DMC1: variants seen among roughly 807,000 people sequenced by gnomAD.
DMC1 encodes the protein DNA meiotic recombinase 1.
A neutral mutation model predicts 50.1 loss-of-function variants in DMC1; 27 were observed. That is an observed-to-expected ratio of 0.54 (90% CI 0.40 to 0.74). DMC1 has a LOEUF of 0.74. DMC1 is among the 30% of genes least tolerant of loss of function. The probability of loss-of-function intolerance (pLI) is 0.00; values close to 1 mark genes in which losing one functional copy is unlikely to be tolerated. For missense variants in DMC1, 295 were observed against 420.2 expected, an observed-to-expected ratio of 0.70 and a Z score of 2.60; for synonymous variants, 148 against 136.1, an observed-to-expected ratio of 1.09 and a Z score of -0.61.
intron 12 of DMC1, among the ~76,000 whole-genome samples, chr22:38,530,396 G>T (rs1051836851): frequency 6.6e-6 from 1 of 152,032 alleles, no homozygotes; most frequent in Non-Finnish European, 1.5e-5. Flanking sequence ...TCTCCCCTCT[G>T]TCTTCTCCCA....
chr22:38,516,370 G>C (rs994171815), downstream of DMC1, among the ~76,000 whole-genome samples: 5 of 152,080 alleles, frequency 3.3e-5, no homozygotes, highest in African/African-American at 7.2e-5. Context: ...CCACTTCTTG[G>C]TAAATTGTCC....
intron 6 of DMC1, among the ~76,000 whole-genome samples, chr22:38,553,825 G>C (rs1465293095): frequency 1.3e-5 from 2 of 151,780 alleles, no homozygotes; most frequent in Non-Finnish European, 2.9e-5. Flanking sequence ...TGGGTGTGGT[G>C]GCGTGCACCT....
intron 8 of DMC1, chr22:38,546,062 C>CT (rs2090340838): frequency 6.6e-6 from 1 of 152,346 alleles, no homozygotes; most frequent in South Asian, 2.1e-4. Context: ...TTGCATATGA[C>CT]TTAGCTCCTA....
chr22:38,509,980 GTAA>G, the DMC1 span, among the ~76,000 whole-genome samples: 14 of 152,044 alleles, frequency 9.2e-5, no homozygotes, highest in African/African-American at 3.4e-4. Context: ...ATATTACGGT[GTAA>G]TAATAATATA....
chr22:38,564,175 A>G (rs910974397), intron 4 of DMC1, among the ~76,000 whole-genome samples: 1 of 152,218 alleles, frequency 6.6e-6, no homozygotes, highest in Non-Finnish European at 1.5e-5. Flanking sequence ...TCTCAAAAAT[A>G]AATGAATAAA....
chr22:38,534,160 CA>C (rs1439571435), intron 12 of DMC1, among the ~76,000 whole-genome samples: 1 of 152,062 alleles, frequency 6.6e-6, no homozygotes, highest in African/African-American at 2.4e-5. Context: ...GAATGCAAAA[CA>C]AAAAAACCCC....
At chr22:38,568,402 A>G in intron 1 of DMC1, 113 bp from the exon 2 acceptor site, 1 of 760,360 alleles carries the variant, frequency 1.3e-6, no homozygotes, top group Non-Finnish European at 2.3e-6. Flanking sequence ...TTAGCTTGGA[A>G]AGATGAGGCC....
intron 5 of DMC1, among the ~76,000 whole-genome samples, chr22:38,561,051 G>A (rs1435666550): frequency 1.3e-5 from 2 of 151,964 alleles, no homozygotes; most frequent in Admixed American, 6.6e-5. Flanking sequence ...AGGCTAGAGT[G>A]CAGTGGCATG....
At chr22:38,540,712 A>G (rs1325691754) in intron 8 of DMC1, among the ~76,000 whole-genome samples, 1 of 152,214 alleles carries the variant, frequency 6.6e-6, no homozygotes, top group African/African-American at 2.4e-5. Context: ...CTTTGGTGAC[A>G]GCCACAAAAA....
At chr22:38,543,049 C>G (rs1416945109) in intron 8 of DMC1, among the ~76,000 whole-genome samples, 2 of 152,016 alleles carry the variant, frequency 1.3e-5, no homozygotes, top group Admixed American at 6.6e-5. Context: ...ATACAAAAAT[C>G]AAATAAAAAT....
intron 5 of DMC1, among the ~76,000 whole-genome samples, chr22:38,561,074 T>G (rs562280572): frequency 6.6e-6 from 1 of 152,186 alleles, no homozygotes; most frequent in East Asian, 1.9e-4. Flanking sequence ...CGCGGCTCAC[T>G]AGAGCCTCAA....
chr22:38,531,492 C>A (rs1025858541), intron 12 of DMC1, among the ~76,000 whole-genome samples: 2 of 152,122 alleles, frequency 1.3e-5, no homozygotes, highest in African/African-American at 4.8e-5. Context: ...CCCAGGGGAA[C>A]TGCAGCTTGG....
At chr22:38,514,434 G>A (rs2089962550), downstream of DMC1, among the ~76,000 whole-genome samples, 1 of 151,468 alleles carries the variant, frequency 6.6e-6, no homozygotes, top group South Asian at 2.1e-4. Flanking sequence ...TAGTAGAGAC[G>A]GGTTTCACCA....
intron 13 of DMC1, 100 bp downstream of exon 13, chr22:38,521,508 A>G: frequency 1.2e-6 from 1 of 806,162 alleles, no homozygotes; most frequent in Non-Finnish European, 2.0e-6. Context: ...GTTTGAGACC[A>G]GCTCGGGCAA....
chr22:38,535,927 T>A (rs116861265), intron 12 of DMC1, among the ~76,000 whole-genome samples: 5,218 of 151,600 alleles, frequency 0.034, 107 homozygotes, highest in Middle Eastern at 0.055. Flanking sequence ...AAGATTTTTT[T>A]AAAAGCTTTT....
intron 9 of DMC1, 56 bp from the exon 10 acceptor site, chr22:38,538,668 GATCA>G: frequency 7.0e-7 from 1 of 1,437,482 alleles, no homozygotes; most frequent in Non-Finnish European, 9.8e-7. Context: ...CAGAGGCTAA[GATCA>G]TTCATATTCT....
downstream of DMC1, among the ~76,000 whole-genome samples, chr22:38,517,588 A>AAAAAC (rs200799094): frequency 6.7e-6 from 1 of 150,330 alleles, no homozygotes; most frequent in Non-Finnish European, 1.5e-5. Flanking sequence ...AAACAAAACA[A>AAAAAC]AAAACAAAAC....
At chr22:38,528,212 C>G (rs1388733790) in intron 12 of DMC1, among the ~76,000 whole-genome samples, 1 of 151,674 alleles carries the variant, frequency 6.6e-6, no homozygotes, top group African/African-American at 2.4e-5. Flanking sequence ...CAGGTGTGCG[C>G]CATCACACTC....
intron 12 of DMC1, 132 bp downstream of exon 12, chr22:38,537,460 C>A: frequency 1.3e-6 from 1 of 781,212 alleles, no homozygotes; most frequent in East Asian, 2.7e-5. Context: ...GATCCGCCTG[C>A]CTCAGCCTGC....
Sources: allele counts gnomAD v4.1 joint callset (sites outside exome capture counted in the v4.1 genomes callset), GRCh38; gene constraint gnomAD v4.1.1; transcripts MANE v1.5; gene names NCBI Gene and HGNC (gene_info 2026-07-23, HGNC 2026-07-21).